Variants in AOPEP observed in about 807,000 individuals in gnomAD.
The protein encoded by AOPEP is aminopeptidase O.
In AOPEP, 77 loss-of-function variants were observed where a neutral mutation model predicts 98.1. The ratio of observed to expected loss-of-function variants is 0.78; its 90% confidence interval spans 0.65 to 0.95. The LOEUF is 0.95. Among genes scored for constraint, AOPEP ranks in the 40% least tolerant of loss-of-function variants. The pLI, the probability that AOPEP is intolerant of heterozygous loss-of-function variation, is 0.00. For synonymous variants in AOPEP, 346 were observed against 365.3 expected (o/e 0.95, Z 0.60); for missense variants, 1,024 against 1,024.7 (o/e 1.00, Z 0.01).
At chr9:94,745,545 G>C (rs1216990003) in intron 1 of AOPEP, among the ~76,000 whole-genome samples, 3 of 152,170 alleles carry the variant, frequency 2.0e-5, no homozygotes. Context: ...AAAGTGCTGG[G>C]ATTACAGGCG....
chr9:94,917,611 G>A (rs1027658846), intron 5 of AOPEP, among the ~76,000 whole-genome samples: 1 of 152,182 alleles, frequency 6.6e-6, no homozygotes, highest in Non-Finnish European at 1.5e-5. Flanking sequence ...TAAAGCTGGA[G>A]CTCCTAGCCT....
In AOPEP at chr9:95,080,627, C is replaced by T. The variant is rs572048462; in HGVS notation, c.2233-67C>T. The T allele has an allele frequency of 2.8e-5, 31 of 1,121,760 alleles. No individual in the cohort carries two copies. In the East Asian group the frequency reaches 7.3e-4, roughly 26 times the overall value. The allele number at this position is 1,121,760 out of a possible 1,614,324, so 69.5% of individuals were successfully genotyped here. ...TTTCCGGAATACAGAGGCTGCCTGT[C>T]ACTGGGCCCGGTGGGCTGGGATGCC... On this transcript the variant is annotated intron_variant, in intron 14 of 16. Coordinates refer to ENST00000375315, the MANE Select transcript of AOPEP (RefSeq NM_001193329.3).
At chr9:94,912,167 G>A (rs1461974897) in intron 5 of AOPEP, among the ~76,000 whole-genome samples, 1 of 152,180 alleles carries the variant, frequency 6.6e-6, no homozygotes, top group Non-Finnish European at 1.5e-5. Flanking sequence ...CACTGATGCT[G>A]CTGGCAAGAG....
chr9:95,036,143 G>A (rs1054562326), intron 13 of AOPEP, among the ~76,000 whole-genome samples: 1 of 152,182 alleles, frequency 6.6e-6, no homozygotes. Flanking sequence ...TCCTTTGTGA[G>A]GATGTGCATA....
intron 5 of AOPEP, chr9:94,920,465 G>T (rs180763089): frequency 6.6e-6 from 1 of 152,386 alleles, no homozygotes; most frequent in East Asian, 1.9e-4. Flanking sequence ...CCTGCAGCCT[G>T]CTGGAACCTG....
At chr9:94,875,951 G>A (rs1489169310) in intron 5 of AOPEP, among the ~76,000 whole-genome samples, 5 of 152,282 alleles carry the variant, frequency 3.3e-5, no homozygotes, top group South Asian at 4.1e-4. Flanking sequence ...CATTTAAGAC[G>A]TGAGAAGACA....
chr9:94,800,030 C>T (rs529722730), intron 4 of AOPEP, among the ~76,000 whole-genome samples: 18 of 152,160 alleles, frequency 1.2e-4, no homozygotes, highest in East Asian at 9.7e-4. Flanking sequence ...CTTTCAGTTC[C>T]GCCTTTGATG....
At chr9:94,770,433 C>T (rs768560839) in intron 2 of AOPEP, among the ~76,000 whole-genome samples, 1 of 152,180 alleles carries the variant, frequency 6.6e-6, no homozygotes, top group Non-Finnish European at 1.5e-5. Context: ...AAATATCTTG[C>T]AAGGTTACAG....
intron 13 of AOPEP, among the ~76,000 whole-genome samples, chr9:95,023,259 A>T (rs916456821): frequency 6.6e-6 from 1 of 152,240 alleles, no homozygotes; most frequent in African/African-American, 2.4e-5. Context: ...CTGAGAGCTG[A>T]TAGGAGAGAC....
At chr9:94,922,340 G>A (rs924890424) in intron 5 of AOPEP, among the ~76,000 whole-genome samples, 3 of 151,784 alleles carry the variant, frequency 2.0e-5, no homozygotes, top group Non-Finnish European at 4.4e-5. Flanking sequence ...CTGTAAGGAC[G>A]TGCGTGTCTG....
intron 16 of AOPEP, 191 bp downstream of exon 16, chr9:95,082,910 G>A: frequency 1.7e-6 from 1 of 601,180 alleles, no homozygotes; most frequent in Admixed American, 3.2e-5. Context: ...GGTCCCTGGA[G>A]CACCTTGCCT....
At chr9:95,096,214 T>C in the AOPEP span, among the ~76,000 whole-genome samples, 1 of 152,150 alleles carries the variant, frequency 6.6e-6, no homozygotes, top group East Asian at 1.9e-4. Context: ...TGTCTTTATC[T>C]TATACTAAAT....
chr9:95,029,546 T>C (rs1291580452), intron 13 of AOPEP, among the ~76,000 whole-genome samples: 1 of 152,178 alleles, frequency 6.6e-6, no homozygotes, highest in Non-Finnish European at 1.5e-5. Flanking sequence ...CAGTCACTCC[T>C]TCACCCCCAG....
At chr9:95,111,613 G>A in the AOPEP span, 12 of 1,614,068 alleles carry the variant, frequency 7.4e-6, no homozygotes, top group Non-Finnish European at 9.3e-6. Flanking sequence ...ACAGGAACCA[G>A]CTCTCAAAGG....
rs113482937 is a variant in AOPEP, at chr9:94,749,250, G to C, written c.-135-10399G>C. The stretch of plus-strand genomic sequence containing the variant: ...CTTACTCAAAGTGTTCCAGCTTTGG[G>C]CATTGAAAGCTCTTTCAGGTTGGTT... On this transcript the variant is annotated intron_variant, in intron 1 of 16. Transcript: ENST00000375315. Among the ~76,000 whole-genome samples, 659 of 152,200 alleles carry C rather than the reference G, an allele frequency of 4.3e-3. 3 individuals carry two copies. Among genetic ancestry groups the C allele is most frequent in the African/African-American group, 0.014 (581 of 41,516 alleles).
intron 1 of AOPEP, among the ~76,000 whole-genome samples, chr9:94,753,927 C>T (rs914079579): frequency 2.6e-5 from 4 of 152,122 alleles, no homozygotes; most frequent in Admixed American, 6.5e-5. Flanking sequence ...AGGAGATGTG[C>T]GTAAGGAGGC....
chr9:94,912,877 C>G (rs2052281733), intron 5 of AOPEP, among the ~76,000 whole-genome samples: 1 of 152,240 alleles, frequency 6.6e-6, no homozygotes, highest in Non-Finnish European at 1.5e-5. Flanking sequence ...CCTCCAGCTC[C>G]CGCTGCACTG....
At chr9:95,002,070 T>G (rs1207004105) in intron 11 of AOPEP, among the ~76,000 whole-genome samples, 2 of 152,068 alleles carry the variant, frequency 1.3e-5, no homozygotes, top group African/African-American at 4.8e-5. Context: ...TGAGCCACCG[T>G]GCACAGCCTG....
At chr9:95,106,924 T>C in the AOPEP span, 1 of 809,848 alleles carries the variant, frequency 1.2e-6, no homozygotes, top group South Asian at 1.5e-5. Flanking sequence ...CCATCCCAGC[T>C]GTCAACCTCC....
Sources: gnomAD v4.1 joint callset for allele counts (sites outside exome capture counted in the v4.1 genomes callset) on GRCh38, gnomAD v4.1.1 for gene constraint, MANE v1.5 for transcripts, NCBI Gene and HGNC (gene_info 2026-07-23, HGNC 2026-07-21) for gene names.